Variants in ZC3H6 observed in about 807,000 individuals in gnomAD.
The protein encoded by ZC3H6 is zinc finger CCCH-type containing 6.
A neutral mutation model predicts 107.7 loss-of-function variants in ZC3H6; 40 were observed. The observed-to-expected ratio is 0.37, with a 90% CI of 0.29 to 0.48. The LOEUF is 0.48. ZC3H6 is among the 20% of genes least tolerant of loss of function. The pLI, the probability that ZC3H6 is intolerant of heterozygous loss-of-function variation, is 0.98. For missense variants in ZC3H6, 1,267 were observed against 1,410.4 expected (o/e 0.90, Z 1.63); for synonymous variants, 493 against 487.9 (o/e 1.01, Z -0.14).
chr2:112,325,583 T>A (rs566760815), intron 11 of ZC3H6, among the ~76,000 whole-genome samples: 1 of 152,228 alleles, frequency 6.6e-6, no homozygotes, highest in Non-Finnish European at 1.5e-5. Flanking sequence ...ACTTAATTGC[T>A]AAAGGTTTGA....
At chr2:112,327,496 A>G (rs1284814345) in intron 11 of ZC3H6, among the ~76,000 whole-genome samples, 1 of 151,964 alleles carries the variant, frequency 6.6e-6, no homozygotes, top group East Asian at 1.9e-4. Context: ...TTCCTTCACA[A>G]TGCAGCTTTT....
Position 112,325,170 on chromosome 2 carries a change from C to A in ZC3H6, c.2059C>A (p.Pro687Thr), listed in dbSNP as rs1472766647. The part of the protein sequence containing the change: ...QEDEEQTSTQ[P>T]HRAPSKEEDD... ...AGATGAAGAACAAACCAGCACCCAA[C>A]CTCATAGGGCACCAAGCAAGGAAGA... is the stretch of plus-strand genomic sequence containing the variant. Residue 687 changes from proline (P) to threonine (T), a missense_variant, in exon 11 of 12, where the codon CCT becomes ACT. Transcript: ENST00000409871. 1 of 1,614,000 alleles carries A rather than the reference C, an allele frequency of 6.2e-7. No homozygotes were observed. Among genetic ancestry groups the A allele is most frequent in the Non-Finnish European group, 8.5e-7 (1 of 1,179,876 alleles).
intron 2 of ZC3H6, 100 bp from the exon 3 acceptor site, chr2:112,303,129 C>A: frequency 7.1e-7 from 1 of 1,410,616 alleles, no homozygotes. Context: ...ATAATATAAT[C>A]TACTGGTTGG....
chr2:112,326,081 G>A (rs1676901822), intron 11 of ZC3H6, among the ~76,000 whole-genome samples: 1 of 151,902 alleles, frequency 6.6e-6, no homozygotes, highest in African/African-American at 2.4e-5. Flanking sequence ...AATTATTTTT[G>A]TGGGTACGTA....
intron 3 of ZC3H6, among the ~76,000 whole-genome samples, chr2:112,303,911 ATATT>A (rs1676430248): frequency 6.6e-6 from 1 of 152,204 alleles, no homozygotes; most frequent in South Asian, 2.1e-4. Flanking sequence ...ATTGGGGTAT[ATATT>A]TAGGAGCAGA....
chr2:112,321,405 TAG>T (rs1676799215), intron 7 of ZC3H6, among the ~76,000 whole-genome samples: 7 of 152,116 alleles, frequency 4.6e-5, no homozygotes, highest in Admixed American at 3.3e-4. Context: ...CTAGTTTTAA[TAG>T]AGAAAAAAGC....
At chr2:112,297,948 T>C (rs1468585770) in intron 1 of ZC3H6, among the ~76,000 whole-genome samples, 1 of 151,998 alleles carries the variant, frequency 6.6e-6, no homozygotes, top group Non-Finnish European at 1.5e-5. Context: ...AACCCCCATC[T>C]CCGTAAAAAT....
intron 5 of ZC3H6, among the ~76,000 whole-genome samples, chr2:112,314,535 G>A (rs1332070281): frequency 6.6e-6 from 1 of 151,906 alleles, no homozygotes; most frequent in African/African-American, 2.4e-5. Context: ...TTAATGAAAC[G>A]CTAAGTACAA....
rs1364469874 is a variant in ZC3H6 at position 112,334,292 on chromosome 2, G to A, written c.*1804G>A. The A allele has an allele frequency of 6.6e-6, 1 of 151,978 alleles. No individual in the cohort carries two copies. Among genetic ancestry groups the A allele is most frequent in the Non-Finnish European group, 1.5e-5 (1 of 67,906 alleles). The allele number at this position is 151,978 out of a possible 1,614,324, so 9.4% of individuals were successfully genotyped here. On this transcript the variant is annotated 3_prime_UTR_variant, in exon 12 of 12. Transcript: ENST00000409871. ...ATCCCAAGGTGTAATTTACTCTTTT[G>A]TCAGGATAAAATCAGAAAAATGGCT...
intron 5 of ZC3H6, among the ~76,000 whole-genome samples, chr2:112,313,106 T>C (rs950898833): frequency 2.6e-5 from 4 of 152,160 alleles, no homozygotes; most frequent in South Asian, 2.1e-4. Context: ...AGATTCTCAG[T>C]TGACATTAAT....
At chr2:112,297,836 T>G (rs1300820673) in intron 1 of ZC3H6, among the ~76,000 whole-genome samples, 1 of 152,180 alleles carries the variant, frequency 6.6e-6, no homozygotes, top group Non-Finnish European at 1.5e-5. Context: ...ATTGACTGGC[T>G]GGGCACGGTG....
intron 2 of ZC3H6, among the ~76,000 whole-genome samples, chr2:112,301,929 T>G (rs1676386407): frequency 6.6e-6 from 1 of 151,888 alleles, no homozygotes; most frequent in Non-Finnish European, 1.5e-5. Flanking sequence ...GAAATTCAAA[T>G]CATAAGAAAT....
chr2:112,279,395 T>C (rs1462172823), intron 1 of ZC3H6, among the ~76,000 whole-genome samples: 2 of 152,242 alleles, frequency 1.3e-5, no homozygotes, highest in South Asian at 4.1e-4. Context: ...TTCTGAAATA[T>C]ACTAATGGTA....
At position 112,299,483 on chromosome 2, in the gene ZC3H6, C is replaced by T. The variant is rs556144121; in HGVS notation, c.33-366C>T. Among the ~76,000 whole-genome samples the T allele has an allele frequency of 1.4e-4, 21 of 152,054 alleles. 1 individual carries two copies. The highest frequency in any genetic ancestry group is 3.2e-3 in the Middle Eastern group (1 of 316). ...TTTCTTAGAGCATTTTAGTTTAATTCCTTTTTTTGAAGAAAATTTAGTAGA... is the reference window on the plus strand; with the variant it reads ...TTTCTTAGAGCATTTTAGTTTAATTTCTTTTTTTGAAGAAAATTTAGTAGA... On this transcript the variant is annotated intron_variant, in intron 1 of 11. Coordinates refer to ENST00000409871, the MANE Select transcript of ZC3H6 (RefSeq NM_198581.3).
intron 11 of ZC3H6, among the ~76,000 whole-genome samples, chr2:112,327,457 C>T (rs1487288792): frequency 6.6e-6 from 1 of 152,084 alleles, no homozygotes; most frequent in African/African-American, 2.4e-5. Context: ...GATATTTTCT[C>T]CCATTCTGTG....
Position 112,332,134 on chromosome 2 carries a change from G to T in ZC3H6, c.3216G>T (p.Lys1072Asn), listed in dbSNP as rs1443598480. The change falls in exon 12 of 12, where the codon AAG becomes AAT. Residue 1072 changes from lysine to asparagine, a missense_variant. Lys to Asn is a moderately conservative substitution (Grantham distance 94). Coordinates refer to ENST00000409871, the MANE Select transcript of ZC3H6 (RefSeq NM_198581.3). Reference sequence around the variant, plus strand: ...CAGCTTCTTCAGGAGAAAACTCAAAGAACCAGAAAAAAAGTGGTGGCTTAA... The same window carrying T: ...CAGCTTCTTCAGGAGAAAACTCAAATAACCAGAAAAAAAGTGGTGGCTTAA... Reference protein sequence around the residue: ...LATASSGENSKNQKKSGGLKS... With the variant: ...LATASSGENSNNQKKSGGLKS... 5 of 1,613,634 alleles carry T rather than the reference G, an allele frequency of 3.1e-6. No homozygotes were observed. In the African/African-American group the frequency reaches 4.0e-5, roughly 13 times the overall value.
chr2:112,293,226 A>G (rs964201938), intron 1 of ZC3H6, among the ~76,000 whole-genome samples: 3 of 152,214 alleles, frequency 2.0e-5, no homozygotes, highest in African/African-American at 7.2e-5. Context: ...AATATTGCCC[A>G]TATATTTGTA....
Position 112,332,305 on chromosome 2 carries a change from G to A in ZC3H6, c.3387G>A (p.Val1129=), listed in dbSNP as rs1573968151. Residue 1129 remains valine (V), a synonymous_variant, in exon 12 of 12, where the codon GTG becomes GTA. Coordinates refer to ENST00000409871, the MANE Select transcript of ZC3H6 (RefSeq NM_198581.3). ...RSSGKVQVPA[V]HSLPVQALTG... is the part of the protein sequence containing the mutation. ...CTGGTAAGGTTCAGGTCCCAGCAGT[G>A]CACAGCCTTCCTGTTCAGGCATTAA... 1 of 1,613,928 alleles carries A rather than the reference G, an allele frequency of 6.2e-7. No individual in the cohort carries two copies. The highest frequency in any genetic ancestry group is 1.3e-5 in the African/African-American group (1 of 75,040).
chr2:112,319,561 G>A (rs1288486713), intron 7 of ZC3H6, among the ~76,000 whole-genome samples: 3 of 151,934 alleles, frequency 2.0e-5, no homozygotes, highest in Non-Finnish European at 4.4e-5. Context: ...CAGGAGAATC[G>A]CTTGAACCTG....
Sources: gnomAD v4.1 joint callset for allele counts (sites outside exome capture counted in the v4.1 genomes callset) on GRCh38, gnomAD v4.1.1 for gene constraint, MANE v1.5 for transcripts, NCBI Gene and HGNC (gene_info 2026-07-23, HGNC 2026-07-21) for gene names.